The following CDH19 variants were observed in gnomAD, a reference collection of about 807,000 sequenced individuals.
CDH19 encodes the protein cadherin 19.
In CDH19, 67 loss-of-function variants were observed where a neutral mutation model predicts 64.2. The ratio of observed to expected loss-of-function variants is 1.04; its 90% CI spans 0.86 to 1.28. The LOEUF (loss-of-function observed/expected upper bound fraction) is 1.28, where lower values mean the gene tolerates loss of function less well. CDH19 is among the 50% of genes most tolerant of loss of function. The pLI, the probability that CDH19 is intolerant of heterozygous loss-of-function variation, is 0.00. For missense variants in CDH19, 1,030 were observed against 929.0 expected, an observed-to-expected ratio of 1.11 and a Z score of -1.41; for synonymous variants, 346 against 319.3, an observed-to-expected ratio of 1.08 and a Z score of -0.89.
intron 1 of CDH19, among the ~76,000 whole-genome samples, chr18:66,573,600 G>C (rs1016526037): frequency 6.7e-6 from 1 of 148,774 alleles, no homozygotes; most frequent in Non-Finnish European, 1.5e-5. Flanking sequence ...AAAAATATTT[G>C]GAACTGGTAC....
intron 3 of CDH19, among the ~76,000 whole-genome samples, chr18:66,556,665 T>G (rs1364711564): frequency 6.6e-6 from 1 of 151,868 alleles, no homozygotes; most frequent in African/African-American, 2.4e-5. Context: ...TCTTTATTCC[T>G]CTATCTGATA....
chr18:66,568,065 C>T (rs1471326065), intron 3 of CDH19, among the ~76,000 whole-genome samples: 1 of 151,784 alleles, frequency 6.6e-6, no homozygotes, highest in Non-Finnish European at 1.5e-5. Flanking sequence ...GCAGGATTAT[C>T]TTATTTGCTT....
At chr18:66,518,316 C>T (rs1481161006) in intron 9 of CDH19, among the ~76,000 whole-genome samples, 1 of 152,050 alleles carries the variant, frequency 6.6e-6, no homozygotes, top group East Asian at 1.9e-4. Flanking sequence ...TCACTACAAC[C>T]TCTTCCTCCC....
At chr18:66,547,949 G>A (rs1333847247) in intron 5 of CDH19, among the ~76,000 whole-genome samples, 1 of 148,198 alleles carries the variant, frequency 6.7e-6, no homozygotes, top group African/African-American at 2.5e-5. Flanking sequence ...TTACAGGCGT[G>A]AGCCACCGCG....
intron 3 of CDH19, among the ~76,000 whole-genome samples, chr18:66,564,694 T>C (rs1328182592): frequency 6.6e-6 from 1 of 151,968 alleles, no homozygotes; most frequent in African/African-American, 2.4e-5. Flanking sequence ...TCATAATGTG[T>C]ACAATATCAA....
chr18:66,541,352 T>TC (rs1986879168), intron 7 of CDH19, among the ~76,000 whole-genome samples: 2 of 152,252 alleles, frequency 1.3e-5, no homozygotes, highest in African/African-American at 4.8e-5. Flanking sequence ...CTAATATTTT[T>TC]TCTGGTTTTC....
At chr18:66,538,764 T>C (rs963694591) in intron 7 of CDH19, among the ~76,000 whole-genome samples, 5 of 152,128 alleles carry the variant, frequency 3.3e-5, no homozygotes, top group Non-Finnish European at 7.4e-5. Context: ...CCTTCCTTCC[T>C]GTTTCTAGCT....
In CDH19 at chr18:66,559,900, A is replaced by G. The variant is rs181264887; in HGVS notation, c.491-5376T>C. Among the ~76,000 whole-genome samples the G allele has an allele frequency of 4.6e-3, 693 of 152,200 alleles. 4 individuals are homozygous for G. The highest frequency in any genetic ancestry group is 0.016 in the African/African-American group (648 of 41,574). ...AAAATAAAAAAATACACAGCTTAAA[A>G]GCTAGCTCAATCAAAATCCTAGTGG... On this transcript the variant is annotated intron_variant, in intron 3 of 11. Transcript: ENST00000262150.
Position 66,543,898 on chromosome 18 carries a change from T to C in CDH19, c.1214+73A>G. On this transcript the variant is annotated intron_variant, in intron 7 of 11. Transcript: ENST00000262150. ...ACTCCCTCTCAATTAAAAAAAAGAT[T>C]GCATGCAATTTTATTTTTAATCTAT... 2.7e-6 allele frequency: 3 copies of C among 1,128,046 alleles called. No individual in the cohort carries two copies. In the South Asian group the frequency reaches 5.2e-5, roughly 19 times the overall value. The allele number at this position is 1,128,046 out of a possible 1,614,324, so 69.9% of individuals were successfully genotyped here. A position where few individuals can be genotyped will look rare whatever the true frequency, so the allele number is the denominator to read the frequency against.
chr18:66,509,383 G>C, intron 10 of CDH19, 137 bp from the exon 11 acceptor site: 1 of 649,440 alleles, frequency 1.5e-6, no homozygotes, highest in Non-Finnish European at 2.5e-6. Context: ...AATTTCTGAC[G>C]AGAAGACAAC....
intron 7 of CDH19, among the ~76,000 whole-genome samples, chr18:66,542,623 T>A (rs1436666804): frequency 6.6e-6 from 1 of 152,222 alleles, no homozygotes; most frequent in Non-Finnish European, 1.5e-5. Context: ...TGAACTCCTT[T>A]AAGTGGTATC....
chr18:66,581,414 T>G (rs569257914), intron 1 of CDH19, among the ~76,000 whole-genome samples: 2 of 152,202 alleles, frequency 1.3e-5, no homozygotes, highest in East Asian at 3.9e-4. Context: ...TGGTTAAGTA[T>G]TTTTTCTTGG....
intron 3 of CDH19, among the ~76,000 whole-genome samples, chr18:66,562,945 T>C (rs899441994): frequency 7.2e-5 from 11 of 152,250 alleles, no homozygotes; most frequent in South Asian, 6.2e-4. Context: ...TGTTGAGTTA[T>C]GTAAATTTTA....
intron 9 of CDH19, among the ~76,000 whole-genome samples, chr18:66,520,883 T>C (rs146366956): frequency 2.0e-5 from 3 of 152,204 alleles, no homozygotes; most frequent in South Asian, 2.1e-4. Flanking sequence ...TTGCCTTAAA[T>C]TGTGTTACTT....
At chr18:66,599,039 G>A (rs899256122) in intron 1 of CDH19, among the ~76,000 whole-genome samples, 1 of 151,744 alleles carries the variant, frequency 6.6e-6, no homozygotes, top group Admixed American at 6.6e-5. Flanking sequence ...TTTCATAAAG[G>A]ATATAATGTA....
chr18:66,502,299 C>T lies in CDH19; in HGVS notation c.*2513G>A, dbSNP rs1376279947. 5 of 151,898 alleles carry T rather than the reference C, an allele frequency of 3.3e-5. No individual in the cohort carries two copies. Among genetic ancestry groups the T allele is most frequent in the Non-Finnish European group, 7.4e-5 (5 of 67,946 alleles). The allele number at this position is 151,898 out of a possible 1,614,324, so 9.4% of individuals were successfully genotyped here. A position where few individuals can be genotyped will look rare whatever the true frequency, so the allele number is the denominator to read the frequency against. On this transcript the variant is annotated 3_prime_UTR_variant, in exon 12 of 12. Transcript: ENST00000262150. The stretch of plus-strand genomic sequence containing the variant: ...TCGTGTCTGTGCTTTCCCTGTGTAT[C>T]CTATGATTGACAATCTTATAATCAA...
chr18:66,538,382 C>T (rs1986757236), intron 7 of CDH19, among the ~76,000 whole-genome samples: 1 of 152,064 alleles, frequency 6.6e-6, no homozygotes, highest in South Asian at 2.1e-4. Flanking sequence ...GGAGAATTCT[C>T]TGAACTTGGA....
rs9962257 is a variant in CDH19 at position 66,535,746 on chromosome 18, T to C, written c.1215-639A>G. The stretch of plus-strand genomic sequence containing the variant: ...TATTTAATACATATATGCTTTATTC[T>C]ATATTACATATAGAAAATATGTAAT... On this transcript the variant is annotated intron_variant, in intron 7 of 11. Coordinates refer to ENST00000262150, the MANE Select transcript of CDH19 (RefSeq NM_021153.4). Among the ~76,000 whole-genome samples the C allele has an allele frequency of 9.8e-3, 1,448 of 147,114 alleles. 32 individuals carry two copies. Among genetic ancestry groups the C allele is most frequent in the African/African-American group, 0.033 (1,343 of 40,660 alleles).
chr18:66,539,524 G>A (rs1398193565), intron 7 of CDH19, among the ~76,000 whole-genome samples: 1 of 151,978 alleles, frequency 6.6e-6, no homozygotes, highest in Non-Finnish European at 1.5e-5. Flanking sequence ...TGTCTATTGA[G>A]ATGTTATATG....
Sources: allele counts gnomAD v4.1 joint callset (sites outside exome capture counted in the v4.1 genomes callset), GRCh38; gene constraint gnomAD v4.1.1; transcripts MANE v1.5; gene names NCBI Gene and HGNC (gene_info 2026-07-23, HGNC 2026-07-21).